PPP6R3: variants seen among roughly 807,000 people sequenced by gnomAD.
PPP6R3 encodes protein phosphatase 6 regulatory subunit 3, also known as serine/threonine-protein phosphatase 6 regulatory subunit 3.
Under a neutral mutation model 110.7 loss-of-function variants are expected in PPP6R3, and 38 were observed. The observed-to-expected ratio is 0.34, with a 90% CI of 0.26 to 0.45. The LOEUF (loss-of-function observed/expected upper bound fraction) is 0.45, where lower values mean the gene tolerates loss of function less well. Ranked by LOEUF, PPP6R3 falls within the 20% of genes least tolerant of loss-of-function variation. The probability of loss-of-function intolerance (pLI) is 1.00; values close to 1 mark genes in which losing one functional copy is unlikely to be tolerated. For synonymous variants in PPP6R3, 369 were observed against 373.5 expected (o/e 0.99, Z 0.14); for missense variants, 870 against 1,062.4 (o/e 0.82, Z 2.52).
chr11:68,562,341 T>G (rs565360635), intron 8 of PPP6R3, among the ~76,000 whole-genome samples: 1 of 152,304 alleles, frequency 6.6e-6, no homozygotes, highest in African/African-American at 2.4e-5. Context: ...ATTAGAAGAC[T>G]CAGTATTGTT....
chr11:68,512,342 A>G (rs774614031), intron 1 of PPP6R3, among the ~76,000 whole-genome samples: 30 of 152,168 alleles, frequency 2.0e-4, no homozygotes, highest in Non-Finnish European at 2.8e-4. Context: ...TGTGGTGCCA[A>G]TCATCATACC....
At chr11:68,523,926 C>T (rs887568865) in intron 2 of PPP6R3, among the ~76,000 whole-genome samples, 5 of 152,110 alleles carry the variant, frequency 3.3e-5, no homozygotes, top group South Asian at 2.1e-4. Flanking sequence ...GTGGAGAATG[C>T]GTGGGGTTCA....
intron 1 of PPP6R3, among the ~76,000 whole-genome samples, chr11:68,503,713 G>A (rs1592156870): frequency 6.6e-6 from 1 of 152,168 alleles, no homozygotes; most frequent in Non-Finnish European, 1.5e-5. Context: ...TAGAGAGATC[G>A]CAGATTGGAA....
chr11:68,571,200 T>G, intron 12 of PPP6R3, 96 bp downstream of exon 12: 2 of 1,422,862 alleles, frequency 1.4e-6, no homozygotes, highest in Non-Finnish European at 9.3e-7. Flanking sequence ...TGGAAATAAT[T>G]ACATGATACT....
At chr11:68,519,382 A>G (rs888373531) in intron 1 of PPP6R3, 119 bp from the exon 2 acceptor site, 8 of 383,600 alleles carry the variant, frequency 2.1e-5, no homozygotes, top group Admixed American at 4.5e-5. Context: ...AGAACTTTTT[A>G]ATTCCCTGTG....
chr11:68,576,474 C>T (rs1266565600), intron 14 of PPP6R3, among the ~76,000 whole-genome samples: 1 of 152,136 alleles, frequency 6.6e-6, no homozygotes, highest in Non-Finnish European at 1.5e-5. Context: ...TTACATCATT[C>T]CCAATGGGGG....
chr11:68,599,527 C>T (rs1042443554), intron 19 of PPP6R3, among the ~76,000 whole-genome samples: 1 of 152,202 alleles, frequency 6.6e-6, no homozygotes, highest in Non-Finnish European at 1.5e-5. Context: ...TGCAGGGAGC[C>T]CGCAGAATGG....
intron 11 of PPP6R3, among the ~76,000 whole-genome samples, 178 bp from the exon 12 acceptor site, chr11:68,570,862 A>G (rs2099501515): frequency 6.6e-6 from 1 of 152,048 alleles, no homozygotes; most frequent in African/African-American, 2.4e-5. Context: ...TCCTGATTTG[A>G]ATCTCTGTAG....
chr11:68,508,781 AGGTTGTGTGACAGGG>A (rs1565494430), intron 1 of PPP6R3, among the ~76,000 whole-genome samples: 1 of 2,140 alleles, frequency 4.7e-4, no homozygotes, highest in South Asian at 0.029. Flanking sequence ...TGACAGGGTT[AGGTTGTGTGACAGGG>A]TTAGGTTGTG....
chr11:68,569,214 T>C (rs1198845415), intron 10 of PPP6R3, among the ~76,000 whole-genome samples: 1 of 152,210 alleles, frequency 6.6e-6, no homozygotes, highest in Non-Finnish European at 1.5e-5. Flanking sequence ...TCCATACCAG[T>C]TCTGGCATGT....
At chr11:68,582,998 A>C (rs573036594) in intron 14 of PPP6R3, 45 bp from the exon 15 acceptor site, 28 of 1,335,170 alleles carry the variant, frequency 2.1e-5, no homozygotes, top group Non-Finnish European at 2.8e-5. Context: ...CAAATGTCCA[A>C]AACTTTTCTA....
rs1461724068 is a variant in PPP6R3, at chr11:68,587,784, G to C, written c.1633-143G>C. 7.7e-6 allele frequency: 6 copies of C among 784,076 alleles called. No individual in the cohort carries two copies. The Admixed American group carries it at 1.2e-4, about 16-fold the overall frequency. 48.6% of individuals were successfully genotyped at this position (784,076 alleles called of 1,614,324 possible). On this transcript the variant is annotated intron_variant, in intron 15 of 23. Coordinates refer to ENST00000393800, the MANE Select transcript of PPP6R3 (RefSeq NM_001164161.2). ...TGGCAAATTGTGTCTGAAATTATTT[G>C]ATTTTTCTTTTAGAAAAACACACCA... is the stretch of plus-strand genomic sequence containing the variant.
chr11:68,511,069 A>G (rs55941836), intron 1 of PPP6R3, among the ~76,000 whole-genome samples: 1,922 of 130,606 alleles, frequency 0.015, 48 homozygotes, highest in African/African-American at 0.056. Context: ...GACCATGCAT[A>G]CTTTTTTTTT....
intron 4 of PPP6R3, among the ~76,000 whole-genome samples, chr11:68,546,463 T>C (rs901221218): frequency 2.0e-5 from 3 of 152,224 alleles, no homozygotes; most frequent in Non-Finnish European, 4.4e-5. Flanking sequence ...AGTTATGTTC[T>C]GAGACAAGAG....
At chr11:68,565,661 A>G (rs916344252) in intron 9 of PPP6R3, among the ~76,000 whole-genome samples, 3 of 151,882 alleles carry the variant, frequency 2.0e-5, no homozygotes, top group African/African-American at 7.3e-5. Flanking sequence ...GGGTGGACAA[A>G]CAGGTGGCAT....
intron 1 of PPP6R3, among the ~76,000 whole-genome samples, chr11:68,480,765 T>A (rs2098902302): frequency 6.6e-6 from 1 of 152,232 alleles, no homozygotes; most frequent in African/African-American, 2.4e-5. Flanking sequence ...TTCAAAATAT[T>A]TTAAAAATTA....
chr11:68,475,989 G>A (rs555730253), intron 1 of PPP6R3, among the ~76,000 whole-genome samples: 77 of 151,662 alleles, frequency 5.1e-4, no homozygotes, highest in South Asian at 5.0e-3. Context: ...CTGGGCAGCC[G>A]GGCAGAGGGG....
At chr11:68,496,825 G>C (rs2099018959) in intron 1 of PPP6R3, among the ~76,000 whole-genome samples, 1 of 148,108 alleles carries the variant, frequency 6.8e-6, no homozygotes. Flanking sequence ...TAAGTTGTAG[G>C]AGTTTCTTAA....
At chr11:68,504,708 A>G (rs2099066584) in intron 1 of PPP6R3, among the ~76,000 whole-genome samples, 1 of 152,174 alleles carries the variant, frequency 6.6e-6, no homozygotes, top group Admixed American at 6.6e-5. Flanking sequence ...CTAGTGTAGG[A>G]AGATTTTCTT....
Sources: allele counts gnomAD v4.1 joint callset (sites outside exome capture counted in the v4.1 genomes callset), GRCh38; gene constraint gnomAD v4.1.1; transcripts MANE v1.5; gene names NCBI Gene and HGNC (gene_info 2026-07-23, HGNC 2026-07-21).